The following IQCM variants were observed in gnomAD, a reference collection of about 807,000 sequenced individuals.
IQCM encodes IQ motif containing M.
IQCM carries 45 observed loss-of-function variants against 57.6 expected under a neutral mutation model. That is an observed-to-expected ratio of 0.78 (90% confidence interval 0.62 to 1.00). IQCM has a LOEUF of 1.00. IQCM is among the 50% of genes least tolerant of loss of function. IQCM has a pLI of 0.00. For missense variants in IQCM, 468 were observed against 511.6 expected (o/e 0.91, Z 0.82); for synonymous variants, 148 against 158.9 (o/e 0.93, Z 0.51).
chr4:149,687,784 G>T (rs541672111), intron 5 of IQCM, among the ~76,000 whole-genome samples: 2 of 151,948 alleles, frequency 1.3e-5, no homozygotes, highest in South Asian at 2.1e-4. Flanking sequence ...GGGATGCAGG[G>T]ATGGTTTAAC....
intron 2 of IQCM, among the ~76,000 whole-genome samples, chr4:149,798,593 A>G (rs754653636): frequency 1.1e-4 from 16 of 152,012 alleles, no homozygotes; most frequent in Non-Finnish European, 2.1e-4. Context: ...TCTGTTGCCT[A>G]CAAGAAACAC....
intron 12 of IQCM, among the ~76,000 whole-genome samples, chr4:149,536,290 G>A (rs1026849816): frequency 1.3e-5 from 2 of 151,960 alleles, no homozygotes; most frequent in African/African-American, 2.4e-5. Context: ...CAATTCACTA[G>A]ACCTAAATAA....
At chr4:149,747,181 G>A (rs573309267) in intron 2 of IQCM, among the ~76,000 whole-genome samples, 2 of 152,324 alleles carry the variant, frequency 1.3e-5, no homozygotes, top group South Asian at 4.1e-4. Flanking sequence ...AAAAGAGAAA[G>A]GAGAGCAGGT....
intron 12 of IQCM, among the ~76,000 whole-genome samples, chr4:149,544,992 T>A (rs1442374212): frequency 6.6e-6 from 1 of 152,094 alleles, no homozygotes; most frequent in African/African-American, 2.4e-5. Context: ...GGCTATGGTT[T>A]TTTTTAGTAT....
At chr4:149,665,126 GC>G (rs35303539) in intron 7 of IQCM, among the ~76,000 whole-genome samples, 2 of 152,084 alleles carry the variant, frequency 1.3e-5, no homozygotes, top group Admixed American at 6.6e-5. Context: ...GTGGCTACTG[GC>G]CCCTGGGGTA....
At position 149,491,163 on chromosome 4, in the gene IQCM, CT is replaced by C. The variant is rs879913395; in HGVS notation, c.1228+57291del. On this transcript the variant is annotated intron_variant, in intron 12 of 13. Transcript: ENST00000636793. The stretch of plus-strand genomic sequence containing the variant: ...AGTTTTTTAACAGGTGACCATAACT[CT>C]TTTTTTTAATTGACAAAAAAATTGT... 1.7e-3 allele frequency among the ~76,000 whole-genome samples: 255 copies of C among 151,806 alleles called. 2 individuals carry two copies. Among genetic ancestry groups the C allele is most frequent in the Middle Eastern group, 0.01 (3 of 294 alleles).
At chr4:149,727,250 T>C (rs1043608251) in intron 5 of IQCM, among the ~76,000 whole-genome samples, 1 of 152,184 alleles carries the variant, frequency 6.6e-6, no homozygotes, top group Non-Finnish European at 1.5e-5. Context: ...GCATGTCTAA[T>C]TGCCTCCTCA....
chr4:149,468,420 G>T (rs753473197), intron 12 of IQCM, among the ~76,000 whole-genome samples: 1 of 152,198 alleles, frequency 6.6e-6, no homozygotes, highest in Non-Finnish European at 1.5e-5. Context: ...CAGCAGCGAG[G>T]CTGGGGGAGG....
chr4:149,788,363 A>C (rs1772267641), intron 2 of IQCM, among the ~76,000 whole-genome samples: 1 of 152,154 alleles, frequency 6.6e-6, no homozygotes, highest in Non-Finnish European at 1.5e-5. Flanking sequence ...CAACAAAAAC[A>C]TACAAATGAC....
intron 8 of IQCM, among the ~76,000 whole-genome samples, chr4:149,617,380 T>G (rs1755889388): frequency 6.6e-6 from 1 of 152,234 alleles, no homozygotes; most frequent in African/African-American, 2.4e-5. Flanking sequence ...AACATCCATT[T>G]AGACTTCCAG....
chr4:149,388,998 CTTAT>C (rs533154379), intron 13 of IQCM, among the ~76,000 whole-genome samples: 78 of 151,128 alleles, frequency 5.2e-4, no homozygotes, highest in South Asian at 1.3e-3. Context: ...TGAAGTACAA[CTTAT>C]TTATTTATTT....
chr4:149,568,945 A>T (rs1750897129), intron 9 of IQCM, among the ~76,000 whole-genome samples: 1 of 152,166 alleles, frequency 6.6e-6, no homozygotes, highest in Non-Finnish European at 1.5e-5. Context: ...TAGGACTATG[A>T]GCTGGTCTTG....
chr4:149,587,485 A>T (rs1376052131), intron 9 of IQCM, among the ~76,000 whole-genome samples: 1 of 151,804 alleles, frequency 6.6e-6, no homozygotes, highest in Non-Finnish European at 1.5e-5. Context: ...TCAACAAAGT[A>T]TATAAAGTAG....
At chr4:149,408,375 TC>T (rs1733132650) in intron 13 of IQCM, among the ~76,000 whole-genome samples, 1 of 152,198 alleles carries the variant, frequency 6.6e-6, no homozygotes, top group Non-Finnish European at 1.5e-5. Flanking sequence ...AGATATGTCA[TC>T]CTGAAAGCTA....
intron 12 of IQCM, among the ~76,000 whole-genome samples, chr4:149,537,786 T>C (rs1375707536): frequency 1.3e-5 from 2 of 151,872 alleles, no homozygotes; most frequent in Non-Finnish European, 2.9e-5. Context: ...GAATCAATGG[T>C]AGGCAGAAGG....
chr4:149,538,702 T>A (rs981643064), intron 12 of IQCM, among the ~76,000 whole-genome samples: 2 of 151,866 alleles, frequency 1.3e-5, no homozygotes, highest in Admixed American at 1.3e-4. Flanking sequence ...AGCTAAGTCA[T>A]TAAAATACTT....
chr4:149,810,818 G>A (rs953794338), intron 2 of IQCM, among the ~76,000 whole-genome samples: 1 of 152,210 alleles, frequency 6.6e-6, no homozygotes, highest in South Asian at 2.1e-4. Context: ...TTTGGATTGG[G>A]TGATAAATCA....
intron 13 of IQCM, among the ~76,000 whole-genome samples, chr4:149,400,861 T>C (rs1732571304): frequency 6.6e-6 from 1 of 151,890 alleles, no homozygotes; most frequent in South Asian, 2.1e-4. Flanking sequence ...TCCACAAATC[T>C]CATGTAAAGC....
rs1262137038 is a variant in IQCM at position 149,815,790 on chromosome 4, C to G, written c.-277G>C. ...AGGTAATGAATATTTCAAATAGATT[C>G]CTAAATCCTGCCAATCTTCTGATTG... On this transcript the variant is annotated 5_prime_UTR_variant, in exon 1 of 14. Transcript: ENST00000636793. 7 of 152,026 alleles carry G rather than the reference C, an allele frequency of 4.6e-5. No individual in the cohort carries two copies. The highest frequency in any genetic ancestry group is 1.7e-4 in the African/African-American group (7 of 41,506). 9.4% of individuals were successfully genotyped at this position (152,026 alleles called of 1,614,324 possible).
Sources: gnomAD v4.1 joint callset for allele counts (sites outside exome capture counted in the v4.1 genomes callset) on GRCh38, gnomAD v4.1.1 for gene constraint, MANE v1.5 for transcripts, NCBI Gene and HGNC (gene_info 2026-07-23, HGNC 2026-07-21) for gene names.